The following PSME3IP1 variants were observed in gnomAD, a reference collection of about 807,000 sequenced individuals.
The protein encoded by PSME3IP1 is PSME3-interacting protein.
Under a neutral mutation model 34.1 loss-of-function variants are expected in PSME3IP1, and 13 were observed. That is an observed-to-expected ratio of 0.38 (90% confidence interval 0.25 to 0.61). The LOEUF is 0.61. Among genes scored for constraint, PSME3IP1 ranks in the 20% least tolerant of loss-of-function variants. PSME3IP1 has a pLI of 0.60. For synonymous variants in PSME3IP1, 93 were observed against 114.3 expected (o/e 0.81, Z 1.19); for missense variants, 237 against 301.4 (o/e 0.79, Z 1.58).
chr16:57,161,740 CTGACCTCG>C (rs1262640664), intron 6 of PSME3IP1, among the ~76,000 whole-genome samples: 4 of 152,072 alleles, frequency 2.6e-5, no homozygotes, highest in Non-Finnish European at 5.9e-5. Context: ...TCTTGATCTC[CTGACCTCG>C]TGATTCACCC....
rs560808382 is a variant in PSME3IP1, at chr16:57,184,909, C to T, written c.-16+912G>A. The stretch of plus-strand genomic sequence containing the variant: ...ACTAAAAGACTGTAAAAGCTGCTGT[C>T]GGCTCAATACTTTGTATCAAAAAGG... On this transcript the variant is annotated intron_variant, in intron 1 of 6. Coordinates refer to ENST00000309137, the MANE Select transcript of PSME3IP1 (RefSeq NM_024946.4). Among the ~76,000 whole-genome samples, 8 of 152,338 alleles carry T rather than the reference C, an allele frequency of 5.3e-5. No individual in the cohort carries two copies. In the South Asian group the frequency reaches 1.7e-3, roughly 32 times the overall value.
chr16:57,186,102 C>G, upstream of PSME3IP1: 1 of 985,496 alleles, frequency 1.0e-6, no homozygotes. Context: ...CCCGGGAGCC[C>G]GATGGAAATC....
At chr16:57,173,087 T>A (rs1170429055) in intron 2 of PSME3IP1, among the ~76,000 whole-genome samples, 1 of 152,190 alleles carries the variant, frequency 6.6e-6, no homozygotes, top group Non-Finnish European at 1.5e-5. Flanking sequence ...ACTATCAATG[T>A]CAATAGCGCC....
In PSME3IP1 at chr16:57,165,210, G is replaced by T. The variant is rs189980499; in HGVS notation, c.483-1145C>A. Among the ~76,000 whole-genome samples the T allele has an allele frequency of 5.1e-3, 777 of 151,834 alleles. 8 individuals are homozygous for T. The highest frequency in any genetic ancestry group is 0.018 in the African/African-American group (753 of 41,422). ...TTAAAACGTGTGTGGCGAGGGGGAA[G>T]GCTTATCTTTCCCCTCACTGAAATA... On this transcript the variant is annotated intron_variant, in intron 5 of 6. Transcript: ENST00000309137.
At chr16:57,161,127 C>T (rs1198564547) in intron 6 of PSME3IP1, among the ~76,000 whole-genome samples, 4 of 152,216 alleles carry the variant, frequency 2.6e-5, no homozygotes, top group African/African-American at 7.2e-5. Flanking sequence ...GTATCAAAAT[C>T]GTAACTGCCT....
chr16:57,174,589 G>A (rs558075007), intron 1 of PSME3IP1: 1 of 985,274 alleles, frequency 1.0e-6, no homozygotes, highest in African/African-American at 1.7e-5. Flanking sequence ...TGAAATTCCT[G>A]TTTCTGAGAC....
intron 6 of PSME3IP1, among the ~76,000 whole-genome samples, chr16:57,155,203 A>G (rs1029130071): frequency 5.3e-5 from 8 of 152,196 alleles, no homozygotes; most frequent in African/African-American, 1.9e-4. Flanking sequence ...TACAAATGAG[A>G]AAACTGAAGC....
chr16:57,174,752 C>T, intron 1 of PSME3IP1: 1 of 919,978 alleles, frequency 1.1e-6, no homozygotes, highest in Non-Finnish European at 1.3e-6. Flanking sequence ...AACAGATCTC[C>T]CAACTTCAGT....
chr16:57,157,984 A>C (rs1449785900), intron 6 of PSME3IP1, among the ~76,000 whole-genome samples: 5 of 152,190 alleles, frequency 3.3e-5, no homozygotes, highest in Non-Finnish European at 7.4e-5. Flanking sequence ...ACTAACGGTA[A>C]GCCCCTTGAA....
chr16:57,167,398 T>G, intron 4 of PSME3IP1, 172 bp from the exon 5 acceptor site: 1 of 780,834 alleles, frequency 1.3e-6, no homozygotes, highest in Non-Finnish European at 2.1e-6. Context: ...AAAGAGACCA[T>G]GGAGGAAGAC....
chr16:57,182,659 T>C (rs1258709046), intron 1 of PSME3IP1, among the ~76,000 whole-genome samples: 1 of 126,690 alleles, frequency 7.9e-6, no homozygotes, highest in African/African-American at 3.1e-5. Context: ...CCTGTAACCC[T>C]AGCACTCTGG....
At chr16:57,183,726 C>T (rs1484077905) in intron 1 of PSME3IP1, among the ~76,000 whole-genome samples, 1 of 152,200 alleles carries the variant, frequency 6.6e-6, no homozygotes, top group Non-Finnish European at 1.5e-5. Context: ...GCCCAATATT[C>T]AAAATGGATT....
At chr16:57,163,173 G>GA (rs1161491038) in intron 6 of PSME3IP1, among the ~76,000 whole-genome samples, 25 of 146,266 alleles carry the variant, frequency 1.7e-4, no homozygotes, top group Non-Finnish European at 2.4e-4. Context: ...TCAAAAAAAA[G>GA]AAAAAAAAAA....
At chr16:57,156,088 A>C (rs1424835159) in intron 6 of PSME3IP1, among the ~76,000 whole-genome samples, 1 of 152,222 alleles carries the variant, frequency 6.6e-6, no homozygotes, top group Admixed American at 6.5e-5. Context: ...CAGCCCTTCC[A>C]TTCTTCCCTG....
chr16:57,154,556 T>C lies in PSME3IP1; in HGVS notation c.548-49A>G. The C allele has an allele frequency of 2.0e-6, 3 of 1,487,862 alleles. No individual in the cohort carries two copies. Among genetic ancestry groups the C allele is most frequent in the Non-Finnish European group, 2.7e-6 (3 of 1,102,680 alleles). The allele number at this position is 1,487,862 out of a possible 1,614,324, so 92.2% of individuals were successfully genotyped here. On this transcript the variant is annotated intron_variant, in intron 6 of 6. Transcript: ENST00000309137. This position sits in a 1 kb window ranked among gnomAD's most constrained non-coding sequence, Gnocchi z 4.0. ...TCACTTCATCACCCTTTTCCAAAGT[T>C]GGGGACTGACTTACCATGTGCCAGG... is the stretch of plus-strand genomic sequence containing the variant.
At chr16:57,163,393 C>G (rs1426687455) in intron 6 of PSME3IP1, among the ~76,000 whole-genome samples, 1 of 152,082 alleles carries the variant, frequency 6.6e-6, no homozygotes, top group Non-Finnish European at 1.5e-5. Flanking sequence ...CCCTGTTGAT[C>G]GATGGAATTT....
intron 5 of PSME3IP1, among the ~76,000 whole-genome samples, chr16:57,164,663 G>C (rs1034378002): frequency 6.6e-6 from 1 of 152,214 alleles, no homozygotes; most frequent in East Asian, 1.9e-4. Flanking sequence ...TCACCTCTAA[G>C]ACTGGGGACA....
intron 1 of PSME3IP1, among the ~76,000 whole-genome samples, chr16:57,177,348 A>AT (rs567704160): frequency 0.031 from 3,935 of 128,744 alleles, 195 homozygotes; most frequent in African/African-American, 0.097. Flanking sequence ...CACCTGGCTA[A>AT]TTTTTTTTTT....
chr16:57,158,227 G>C (rs1296895988), intron 6 of PSME3IP1, among the ~76,000 whole-genome samples: 1 of 152,194 alleles, frequency 6.6e-6, no homozygotes, highest in Non-Finnish European at 1.5e-5. Flanking sequence ...AAAATACATT[G>C]TAGTACTTAT....
Sources: gnomAD v4.1 joint callset for allele counts (sites outside exome capture counted in the v4.1 genomes callset) on GRCh38, gnomAD v4.1.1 for gene constraint, Gnocchi (gnomAD v3.1) non-coding constraint, MANE v1.5 for transcripts, NCBI Gene and HGNC (gene_info 2026-07-23, HGNC 2026-07-21) for gene names.